The following STXBP6 variants were observed in gnomAD, a reference collection of about 807,000 sequenced individuals.
The protein encoded by STXBP6 is syntaxin-binding protein 6.
A neutral mutation model predicts 26.9 loss-of-function variants in STXBP6; 21 were observed. The observed-to-expected ratio is 0.78, with a 90% CI of 0.55 to 1.12. The LOEUF is 1.12. STXBP6 is among the 50% of genes most tolerant of loss of function. The pLI is 0.00. For synonymous variants in STXBP6, 97 were observed against 92.6 expected, an observed-to-expected ratio of 1.05 and a Z score of -0.27; for missense variants, 232 against 257.9, an observed-to-expected ratio of 0.90 and a Z score of 0.69.
chr14:24,997,362 T>C (rs1256837521), intron 1 of STXBP6, among the ~76,000 whole-genome samples: 1 of 152,188 alleles, frequency 6.6e-6, no homozygotes, highest in Non-Finnish European at 1.5e-5. Context: ...AAATCAAGCA[T>C]CACATTTTTC....
intron 2 of STXBP6, among the ~76,000 whole-genome samples, chr14:24,928,338 CT>C (rs1449567642): frequency 3.3e-5 from 5 of 151,898 alleles, no homozygotes; most frequent in Admixed American, 1.3e-4. Flanking sequence ...ACCTTACCCC[CT>C]GTCAATGTTT....
In STXBP6 at chr14:24,812,362, C is replaced by T. The variant is rs11550670; in HGVS notation, c.*347G>A. 0.15 allele frequency: 31,482 copies of T among 207,264 alleles called. 3,047 individuals carry two copies. The highest frequency in any genetic ancestry group is 0.21 in the Non-Finnish European group (21,771 of 102,238). The allele number at this position is 207,264 out of a possible 1,614,324, so 12.8% of individuals were successfully genotyped here. ...ATACATGTTGCCAGTTTAGACTCAG[C>T]GCAGTTTATCATTTGGTCCAAATTT... On this transcript the variant is annotated 3_prime_UTR_variant, in exon 6 of 6. Coordinates refer to ENST00000323944, the MANE Select transcript of STXBP6 (RefSeq NM_001394410.1).
Position 24,909,369 on chromosome 14 carries a change from T to C in STXBP6, c.155-52212A>G, listed in dbSNP as rs993712168. On this transcript the variant is annotated intron_variant, in intron 2 of 5. Transcript: ENST00000323944. ...TGGTTCTCACAACAACCTAGATATT[T>C]TCCCCTTATTTTACAGATGTGGGAA... Among the ~76,000 whole-genome samples the C allele has an allele frequency of 4.6e-5, 7 of 152,232 alleles. 2 individuals carry two copies. Among genetic ancestry groups the C allele is most frequent in the Admixed American group, 3.9e-4 (6 of 15,290 alleles).
chr14:24,885,422 G>C (rs2139470301), intron 2 of STXBP6, among the ~76,000 whole-genome samples: 1 of 152,346 alleles, frequency 6.6e-6, no homozygotes, highest in East Asian at 1.9e-4. Context: ...GCTAAGGCCA[G>C]GCAGGCTTGC....
At chr14:24,859,359 A>G (rs1246191974) in intron 2 of STXBP6, among the ~76,000 whole-genome samples, 2 of 152,044 alleles carry the variant, frequency 1.3e-5, no homozygotes, top group African/African-American at 4.8e-5. Context: ...TATTGTTATT[A>G]TCTCCAGCAT....
intron 1 of STXBP6, among the ~76,000 whole-genome samples, chr14:24,989,430 G>A (rs2074411338): frequency 6.6e-6 from 1 of 152,168 alleles, no homozygotes; most frequent in South Asian, 2.1e-4. Flanking sequence ...GCGATTTGGG[G>A]GAACTGAACT....
chr14:24,893,916 T>C (rs567016979), intron 2 of STXBP6, among the ~76,000 whole-genome samples: 8 of 152,214 alleles, frequency 5.3e-5, no homozygotes, highest in African/African-American at 1.9e-4. Flanking sequence ...AAAAAGACCA[T>C]ATAACACAAA....
chr14:24,861,706 T>C (rs764952737), intron 2 of STXBP6, among the ~76,000 whole-genome samples: 3 of 152,210 alleles, frequency 2.0e-5, no homozygotes, highest in African/African-American at 4.8e-5. Context: ...CTCTCTGCTA[T>C]AGTTAGTGGG....
At chr14:24,907,417 C>T (rs896626574) in intron 2 of STXBP6, among the ~76,000 whole-genome samples, 11 of 152,044 alleles carry the variant, frequency 7.2e-5, no homozygotes, top group Non-Finnish European at 1.5e-4. Context: ...ATTAAAAGAG[C>T]ATTATTAAAG....
chr14:25,025,134 T>C (rs757389112), intron 1 of STXBP6, among the ~76,000 whole-genome samples: 1 of 152,196 alleles, frequency 6.6e-6, no homozygotes, highest in African/African-American at 2.4e-5. Flanking sequence ...TGTGTGGGAT[T>C]TGAATAAGAC....
intron 2 of STXBP6, among the ~76,000 whole-genome samples, chr14:24,861,109 G>T (rs1485072017): frequency 6.6e-6 from 1 of 152,080 alleles, no homozygotes; most frequent in African/African-American, 2.4e-5. Flanking sequence ...TGTTCAGGGT[G>T]GCTAAAAAGC....
At chr14:24,861,915 C>T (rs1447333643) in intron 2 of STXBP6, among the ~76,000 whole-genome samples, 2 of 152,164 alleles carry the variant, frequency 1.3e-5, no homozygotes, top group African/African-American at 4.8e-5. Context: ...TTCTTCCTTC[C>T]CATCTTAGAA....
chr14:24,830,188 T>C (rs1365989121), intron 4 of STXBP6, among the ~76,000 whole-genome samples: 2 of 152,042 alleles, frequency 1.3e-5, no homozygotes, highest in African/African-American at 4.8e-5. Flanking sequence ...TAGGGGCTTA[T>C]AGACCATGGT....
At chr14:24,942,836 A>G (rs999620054) in intron 2 of STXBP6, among the ~76,000 whole-genome samples, 7 of 152,248 alleles carry the variant, frequency 4.6e-5, no homozygotes, top group Non-Finnish European at 8.8e-5. Flanking sequence ...ACTGATAGCT[A>G]TGTAGCAGAA....
chr14:24,977,347 T>C (rs2140219467), intron 1 of STXBP6, among the ~76,000 whole-genome samples: 1 of 152,316 alleles, frequency 6.6e-6, no homozygotes, highest in East Asian at 1.9e-4. Context: ...GAAATCCTGT[T>C]CTTTTTAAAA....
chr14:24,822,941 T>C (rs1476481611), intron 4 of STXBP6, among the ~76,000 whole-genome samples: 2 of 152,184 alleles, frequency 1.3e-5, no homozygotes, highest in African/African-American at 2.4e-5. Context: ...ACTCATCATA[T>C]TGTGCTGAGT....
intron 4 of STXBP6, among the ~76,000 whole-genome samples, chr14:24,832,525 A>G (rs998666333): frequency 3.9e-5 from 6 of 152,168 alleles, no homozygotes; most frequent in African/African-American, 1.4e-4. Context: ...CAAAATCCCA[A>G]TGGGTATCAT....
At chr14:24,862,723 T>C (rs1397796565) in intron 2 of STXBP6, among the ~76,000 whole-genome samples, 1 of 152,176 alleles carries the variant, frequency 6.6e-6, no homozygotes, top group African/African-American at 2.4e-5. Context: ...ATGTCTTGCT[T>C]TGTAAAGCAG....
intron 2 of STXBP6, among the ~76,000 whole-genome samples, chr14:24,882,687 A>G (rs2070417197): frequency 6.6e-6 from 1 of 152,186 alleles, no homozygotes; most frequent in Non-Finnish European, 1.5e-5. Flanking sequence ...CATTCTCAGC[A>G]AGGGAATACA....
Sources: gnomAD v4.1 joint callset for allele counts (sites outside exome capture counted in the v4.1 genomes callset) on GRCh38, gnomAD v4.1.1 for gene constraint, MANE v1.5 for transcripts, NCBI Gene and HGNC (gene_info 2026-07-23, HGNC 2026-07-21) for gene names.